The following DPP10 variants were observed in gnomAD, a reference collection of about 807,000 sequenced individuals.
The protein encoded by DPP10 is dipeptidyl peptidase like 10, also known as inactive dipeptidyl peptidase 10.
A neutral mutation model predicts 120.9 loss-of-function variants in DPP10; 33 were observed. The ratio of observed to expected loss-of-function variants is 0.27; its 90% confidence interval spans 0.21 to 0.37. The LOEUF is 0.37. DPP10 is among the 10% of genes least tolerant of loss of function. DPP10 has a pLI of 1.00. For missense variants in DPP10, 816 were observed against 942.8 expected, an observed-to-expected ratio of 0.87 and a Z score of 1.76; for synonymous variants, 337 against 326.1, an observed-to-expected ratio of 1.03 and a Z score of -0.36.
chr2:115,385,290 G>A (rs2066843921), intron 3 of DPP10, among the ~76,000 whole-genome samples: 1 of 152,004 alleles, frequency 6.6e-6, no homozygotes, highest in Non-Finnish European at 1.5e-5. Context: ...GCCTCACTGA[G>A]TCCTTCTTCA....
At chr2:114,482,130 C>A (rs10180904) in intron 1 of DPP10, among the ~76,000 whole-genome samples, 11,747 of 152,062 alleles carry the variant, frequency 0.077, 1,471 homozygotes, top group African/African-American at 0.27. Context: ...GTGGAGATTA[C>A]AATTTGGGAT....
intron 1 of DPP10, among the ~76,000 whole-genome samples, chr2:114,759,470 T>TA (rs1680086986): frequency 6.6e-6 from 1 of 152,034 alleles, no homozygotes; most frequent in African/African-American, 2.4e-5. Context: ...TAAATCTTTT[T>TA]TTTTTTTCTT....
chr2:114,818,926 A>G (rs1013505582), intron 1 of DPP10, among the ~76,000 whole-genome samples: 1 of 152,176 alleles, frequency 6.6e-6, no homozygotes, highest in Non-Finnish European at 1.5e-5. Flanking sequence ...AAGCAACTAT[A>G]TGTTGAACTC....
At chr2:114,605,605 T>G (rs1320046587) in intron 1 of DPP10, among the ~76,000 whole-genome samples, 2 of 152,110 alleles carry the variant, frequency 1.3e-5, no homozygotes, top group African/African-American at 2.4e-5. Flanking sequence ...AGTTAAGTTT[T>G]TGGGGAGTCA....
intron 1 of DPP10, among the ~76,000 whole-genome samples, chr2:115,288,808 C>T (rs965006033): frequency 7.2e-5 from 11 of 152,016 alleles, no homozygotes; most frequent in African/African-American, 2.4e-4. Flanking sequence ...GTAATAAAAA[C>T]CACATATGAC....
At chr2:115,660,949 A>G (rs547733606) in intron 5 of DPP10, among the ~76,000 whole-genome samples, 1 of 144,830 alleles carries the variant, frequency 6.9e-6, no homozygotes, top group Admixed American at 7.3e-5. Flanking sequence ...CAACCAGTTA[A>G]AAATTCATAT....
chr2:115,187,739 C>T (rs1407920685), intron 1 of DPP10, among the ~76,000 whole-genome samples: 1 of 152,072 alleles, frequency 6.6e-6, no homozygotes, highest in African/African-American at 2.4e-5. Flanking sequence ...TGGTGGCTCT[C>T]GCCTGTCATC....
Position 115,387,983 on chromosome 2 carries a change from T to C in DPP10, c.271+44071T>C, listed in dbSNP as rs763975692. Among the ~76,000 whole-genome samples the C allele has an allele frequency of 5.9e-5, 9 of 152,200 alleles. No homozygotes were observed. In the South Asian group the frequency reaches 6.2e-4, roughly 10 times the overall value. ...CAACTTCTCTGGTGACCAAGTGACATTGCCCTGACAGCTAACTTACAGAAA... is the reference window on the plus strand; with the variant it reads ...CAACTTCTCTGGTGACCAAGTGACACTGCCCTGACAGCTAACTTACAGAAA... On this transcript the variant is annotated intron_variant, in intron 3 of 25. Coordinates refer to ENST00000410059, the MANE Select transcript of DPP10 (RefSeq NM_020868.6).
intron 3 of DPP10, among the ~76,000 whole-genome samples, chr2:115,473,846 C>T (rs1023188918): frequency 3.9e-5 from 6 of 152,144 alleles, no homozygotes; most frequent in Non-Finnish European, 8.8e-5. Context: ...CATTACATAG[C>T]AATGACTGGA....
At chr2:114,912,291 C>G (rs1694426456) in intron 1 of DPP10, among the ~76,000 whole-genome samples, 1 of 152,124 alleles carries the variant, frequency 6.6e-6, no homozygotes, top group Non-Finnish European at 1.5e-5. Context: ...TATATAACCA[C>G]TGTGATTCAT....
At chr2:114,742,887 G>C (rs184371317) in intron 1 of DPP10, among the ~76,000 whole-genome samples, 5 of 152,166 alleles carry the variant, frequency 3.3e-5, no homozygotes, top group African/African-American at 9.7e-5. Context: ...AGGCAAACGA[G>C]GCATTTTTAA....
intron 1 of DPP10, among the ~76,000 whole-genome samples, chr2:114,684,432 G>GA (rs1249003981): frequency 1.3e-5 from 2 of 152,032 alleles, no homozygotes; most frequent in South Asian, 4.1e-4. Flanking sequence ...GACAAAAGGG[G>GA]AAAAAACAGG....
chr2:115,706,736 T>C (rs2092124429), intron 7 of DPP10, among the ~76,000 whole-genome samples: 1 of 151,978 alleles, frequency 6.6e-6, no homozygotes, highest in Admixed American at 6.6e-5. Flanking sequence ...TAATAGTATC[T>C]ACCACAAGAT....
At chr2:115,377,328 T>G (rs1263252271) in intron 3 of DPP10, among the ~76,000 whole-genome samples, 4 of 152,064 alleles carry the variant, frequency 2.6e-5, no homozygotes, top group Non-Finnish European at 4.4e-5. Flanking sequence ...TTTCATGTGT[T>G]TTTTGGCTGC....
At chr2:114,820,478 C>G (rs1178881066) in intron 1 of DPP10, among the ~76,000 whole-genome samples, 1 of 152,160 alleles carries the variant, frequency 6.6e-6, no homozygotes, top group East Asian at 1.9e-4. Context: ...CTGTAAACAT[C>G]CTGCATTAGA....
intron 3 of DPP10, among the ~76,000 whole-genome samples, chr2:115,400,478 T>A (rs367561517): frequency 2.0e-5 from 3 of 147,050 alleles, no homozygotes; most frequent in Non-Finnish European, 1.5e-5. Flanking sequence ...TACCCATAAG[T>A]AAAAAAAAAA....
intron 3 of DPP10, among the ~76,000 whole-genome samples, chr2:115,428,887 A>G (rs1005621084): frequency 6.6e-6 from 1 of 152,122 alleles, no homozygotes; most frequent in Non-Finnish European, 1.5e-5. Flanking sequence ...GCTGAATCGG[A>G]CCTTATATTT....
chr2:115,352,482 T>A (rs979312999), intron 3 of DPP10, among the ~76,000 whole-genome samples: 3 of 152,194 alleles, frequency 2.0e-5, no homozygotes, highest in African/African-American at 7.2e-5. Flanking sequence ...GAAATCTGTT[T>A]GTCAATACAA....
At chr2:114,849,677 C>A (rs1470913967) in intron 1 of DPP10, among the ~76,000 whole-genome samples, 1 of 152,054 alleles carries the variant, frequency 6.6e-6, no homozygotes, top group Non-Finnish European at 1.5e-5. Flanking sequence ...TTATAAACAT[C>A]TTTTGCTTAA....
Sources: gnomAD v4.1 joint callset for allele counts (sites outside exome capture counted in the v4.1 genomes callset) on GRCh38, gnomAD v4.1.1 for gene constraint, MANE v1.5 for transcripts, NCBI Gene and HGNC (gene_info 2026-07-23, HGNC 2026-07-21) for gene names.